Variants in WRN observed in about 807,000 individuals in gnomAD.
WRN encodes WRN RecQ like helicase.
Under a neutral mutation model 180.7 loss-of-function variants are expected in WRN, and 149 were observed. The ratio of observed to expected loss-of-function variants is 0.82; its 90% CI spans 0.72 to 0.94. The LOEUF is 0.94. WRN is among the 40% of genes least tolerant of loss of function. The pLI is 0.00. For synonymous variants in WRN, 548 were observed against 568.9 expected (o/e 0.96, Z 0.52); for missense variants, 1,661 against 1,700.1 (o/e 0.98, Z 0.40).
At chr8:31,116,703 A>C (rs750444334) in intron 20 of WRN, among the ~76,000 whole-genome samples, 175 bp downstream of exon 20, 23 of 152,224 alleles carry the variant, frequency 1.5e-4, no homozygotes, top group Non-Finnish European at 2.8e-4. Context: ...ATCTGTACCT[A>C]GTGCTTAGGT....
intron 29 of WRN, 58 bp downstream of exon 29, chr8:31,147,186 T>C (rs1802892605): frequency 8.4e-6 from 13 of 1,555,374 alleles, no homozygotes; most frequent in Admixed American, 1.7e-5. Flanking sequence ...ATTCTATGTA[T>C]GCTTAAAATT....
At position 31,085,363 on chromosome 8, in the gene WRN, G is replaced by A. The variant is rs1406268247; in HGVS notation, c.1431+117G>A. On this transcript the variant is annotated intron_variant, in intron 11 of 34. Coordinates refer to ENST00000298139, the MANE Select transcript of WRN (RefSeq NM_000553.6). ...CCACAATGAAATTGCTACTAATTAT[G>A]TAACATTAGATTTCACATTTTCCAA... 1.4e-5 allele frequency: 15 copies of A among 1,106,734 alleles called. No homozygotes were observed. The East Asian group carries it at 4.0e-4, about 29-fold the overall frequency. 68.6% of individuals were successfully genotyped at this position (1,106,734 alleles called of 1,614,324 possible). A position where few individuals can be genotyped will look rare whatever the true frequency, so the allele number is the denominator to read the frequency against.
chr8:31,096,832 C>G lies in WRN; in HGVS notation c.1963C>G (p.Gln655Glu). ...TTCAGGTAACATGGGCCTGCTCCAG[C>G]AACTTGAGGCTGATATTGGTAAGTG... is the stretch of plus-strand genomic sequence containing the variant. The part of the protein sequence containing the change: ...YCSGNMGLLQ[Q>E]LEADIGITLI... Residue 655 changes from glutamine (Q) to glutamate (E), a missense_variant, in exon 17 of 35, where the codon CAA (glutamine) becomes GAA (glutamate). Gln to Glu is a conservative substitution (Grantham distance 29, BLOSUM62 2). Coordinates refer to ENST00000298139, the MANE Select transcript of WRN (RefSeq NM_000553.6). The G allele has an allele frequency of 6.2e-7, 1 of 1,613,142 alleles. No individual in the cohort carries two copies. Among genetic ancestry groups the G allele is most frequent in the Non-Finnish European group, 8.5e-7 (1 of 1,179,692 alleles).
At chr8:31,134,814 G>A (rs1802337438) in intron 24 of WRN, among the ~76,000 whole-genome samples, 2 of 152,158 alleles carry the variant, frequency 1.3e-5, no homozygotes, top group Admixed American at 1.3e-4. Flanking sequence ...TCTAACGGGA[G>A]AGGATTATCC....
At chr8:31,075,459 C>T (rs1241948761) in intron 7 of WRN, among the ~76,000 whole-genome samples, 2 of 151,958 alleles carry the variant, frequency 1.3e-5, no homozygotes, top group Non-Finnish European at 2.9e-5. Context: ...TGCCTGTAAT[C>T]CCAGCACTTT....
At chr8:31,158,483 C>G (rs1803478059) in intron 33 of WRN, among the ~76,000 whole-genome samples, 1 of 151,756 alleles carries the variant, frequency 6.6e-6, no homozygotes. Flanking sequence ...AACTTGGGGT[C>G]TTATAACTCA....
chr8:31,048,976 A>G (rs1304448960), intron 1 of WRN, among the ~76,000 whole-genome samples: 1 of 151,986 alleles, frequency 6.6e-6, no homozygotes, highest in Non-Finnish European at 1.5e-5. Flanking sequence ...CCTCCTAAAT[A>G]TAGTTTCTGC....
rs1801672652 is a variant in WRN, at chr8:31,120,280, A to T, written c.2486A>T (p.Asn829Ile). The change falls in exon 21 of 35, where the codon AAT becomes ATT. Residue 829 changes from asparagine (N) to isoleucine (I), a missense_variant. Transcript: ENST00000298139. ...ACCATAGCTTTTGGAATGGGCATTA[A>T]TAAAGCTGACATTCGCCAAGTCATT... ...IATIAFGMGI[N>I]KADIRQVIHY... is the part of the protein sequence containing the mutation. 1 of 1,612,894 alleles carries T rather than the reference A, an allele frequency of 6.2e-7. No homozygotes were observed. The highest frequency in any genetic ancestry group is 1.3e-5 in the African/African-American group (1 of 74,876).
chr8:31,091,946 C>A (rs755722984), intron 16 of WRN, 48 bp downstream of exon 16: 1 of 1,554,426 alleles, frequency 6.4e-7, no homozygotes, highest in Non-Finnish European at 8.9e-7. Context: ...TATGGGGGTG[C>A]ATATGCAAGT....
Position 31,116,451 on chromosome 8 carries a change from T to C in WRN, c.2371T>C (p.Cys791Arg), listed in dbSNP as rs200169079. The C allele has an allele frequency of 1.9e-6, 3 of 1,614,054 alleles. No individual in the cohort carries two copies. The highest frequency in any genetic ancestry group is 3.3e-5 in the Admixed American group (2 of 60,012). Residue 791 changes from cysteine to arginine, a missense_variant, in exon 20 of 35, where the codon TGT becomes CGT. By Grantham distance (180) the Cys-to-Arg change is radical (BLOSUM62 -3). Transcript: ENST00000298139. ...TGELRKLNLS[C>R]GTYHAGMSFS... Reference sequence around the variant, plus strand: ...TGAACTTAGGAAACTGAATCTATCCTGTGGAACATACCATGCGGGCATGAG... The same window carrying C: ...TGAACTTAGGAAACTGAATCTATCCCGTGGAACATACCATGCGGGCATGAG...
intron 19 of WRN, among the ~76,000 whole-genome samples, chr8:31,112,069 T>C (rs1200295813): frequency 6.6e-6 from 1 of 152,134 alleles, no homozygotes; most frequent in East Asian, 1.9e-4. Flanking sequence ...ATTTTTATTT[T>C]TTAAAATTTT....
At chr8:31,045,253 A>G (rs1016233080) in intron 1 of WRN, among the ~76,000 whole-genome samples, 1 of 152,180 alleles carries the variant, frequency 6.6e-6, no homozygotes, top group Non-Finnish European at 1.5e-5. Context: ...GTTTTGATAC[A>G]CATATACGTA....
intron 21 of WRN, among the ~76,000 whole-genome samples, chr8:31,122,406 C>A (rs952047580): frequency 6.6e-6 from 1 of 151,988 alleles, no homozygotes; most frequent in East Asian, 1.9e-4. Flanking sequence ...TGCCATAATT[C>A]TATCACTGAG....
chr8:31,046,853 T>G (rs1333701032), intron 1 of WRN, among the ~76,000 whole-genome samples: 1 of 152,214 alleles, frequency 6.6e-6, no homozygotes, highest in Non-Finnish European at 1.5e-5. Flanking sequence ...AGAAAAATAA[T>G]TAGACTGGAG....
At position 31,157,392 on chromosome 8, in the gene WRN, C is replaced by T; in HGVS notation, c.3844C>T (p.Leu1282=). Residue 1282 remains leucine (L), a synonymous_variant, in exon 33 of 35, where the codon CTG becomes TTG. Transcript: ENST00000298139. ...PLKSIAESRI[L]PLMTIGMHLS... ...GAAGAGCATAGCTGAGAGCAGGATT[C>T]TGCCTCTCATGACAATTGGCATGCA... 1.9e-6 allele frequency: 3 copies of T among 1,614,092 alleles called. No individual in the cohort carries two copies. Among genetic ancestry groups the T allele is most frequent in the African/African-American group, 1.3e-5 (1 of 75,034 alleles).
At chr8:31,056,344 G>A (rs1812273049) in intron 1 of WRN, among the ~76,000 whole-genome samples, 1 of 152,100 alleles carries the variant, frequency 6.6e-6, no homozygotes, top group East Asian at 1.9e-4. Context: ...TATAATCTGG[G>A]ATCAACTTTT....
intron 1 of WRN, among the ~76,000 whole-genome samples, chr8:31,040,925 TG>T (rs1254836447): frequency 1.3e-5 from 2 of 152,038 alleles, no homozygotes; most frequent in Admixed American, 6.6e-5. Context: ...ATGTAGGAGA[TG>T]GGAAAATGTC....
intron 8 of WRN, among the ~76,000 whole-genome samples, chr8:31,079,771 G>T (rs1435502551): frequency 6.6e-6 from 1 of 152,162 alleles, no homozygotes. Context: ...ATGCAAAACA[G>T]CATCATTTTC....
intron 9 of WRN, among the ~76,000 whole-genome samples, chr8:31,082,877 A>G (rs1342745193): frequency 2.6e-5 from 4 of 152,078 alleles, no homozygotes; most frequent in Non-Finnish European, 4.4e-5. Context: ...CCATTTTTTT[A>G]TTGGGTACTA....
Sources: allele counts gnomAD v4.1 joint callset (sites outside exome capture counted in the v4.1 genomes callset), GRCh38; gene constraint gnomAD v4.1.1; transcripts MANE v1.5; gene names NCBI Gene and HGNC (gene_info 2026-07-23, HGNC 2026-07-21).